IL1R2: variants seen among roughly 807,000 people sequenced by gnomAD.
The protein encoded by IL1R2 is interleukin 1 receptor type 2.
A neutral mutation model predicts 39.5 loss-of-function variants in IL1R2; 46 were observed. The observed-to-expected ratio is 1.16, with a 90% CI of 0.92 to 1.49. The LOEUF (loss-of-function observed/expected upper bound fraction) is 1.49, where lower values mean the gene tolerates loss of function less well. Among genes scored for constraint, IL1R2 ranks in the 40% most tolerant of loss-of-function variants. The pLI, the probability that IL1R2 is intolerant of heterozygous loss-of-function variation, is 0.00. For missense variants in IL1R2, 537 were observed against 502.0 expected, an observed-to-expected ratio of 1.07 and a Z score of -0.67; for synonymous variants, 207 against 189.6, an observed-to-expected ratio of 1.09 and a Z score of -0.75.
At position 102,026,187 on chromosome 2, in the gene IL1R2, A is replaced by G; in HGVS notation, c.964A>G (p.Met322Val). 3 of 1,613,006 alleles carry G rather than the reference A, an allele frequency of 1.9e-6. No homozygotes were observed. The highest frequency in any genetic ancestry group is 2.5e-6 in the Non-Finnish European group (3 of 1,179,004). Residue 322 changes from methionine (M) to valine (V), a missense_variant, in exon 8 of 9, where the codon ATG (methionine) becomes GTG (valine). Coordinates refer to ENST00000332549, the MANE Select transcript of IL1R2 (RefSeq NM_004633.4). Reference protein sequence around the residue: ...FDPVTREDLHMDFKCVVHNTL... With the variant: ...FDPVTREDLHVDFKCVVHNTL... ...TCCTGTCACAAGAGAGGATTTGCAC[A>G]TGGATTTTAAATGTGTTGTCCATAA...
intron 1 of IL1R2, among the ~76,000 whole-genome samples, chr2:102,005,954 C>A (rs1057089881): frequency 6.6e-6 from 1 of 152,170 alleles, no homozygotes; most frequent in Admixed American, 6.5e-5. Context: ...GGCCTTTTAA[C>A]CCCTTTAAAC....
chr2:101,999,975 T>A (rs189554904), intron 1 of IL1R2, among the ~76,000 whole-genome samples: 1 of 152,336 alleles, frequency 6.6e-6, no homozygotes, highest in Admixed American at 6.5e-5. Context: ...TAGGTAAAGT[T>A]GTACATATTT....
At chr2:102,011,641 G>C (rs141814194) in intron 3 of IL1R2, among the ~76,000 whole-genome samples, 1 of 152,106 alleles carries the variant, frequency 6.6e-6, no homozygotes, top group East Asian at 1.9e-4. Context: ...TACATTTCCT[G>C]GTTATTAACC....
At chr2:102,017,974 T>G (rs1677116217) in intron 4 of IL1R2, among the ~76,000 whole-genome samples, 1 of 152,266 alleles carries the variant, frequency 6.6e-6, no homozygotes, top group South Asian at 2.1e-4. Context: ...TTGGCTGGTT[T>G]GTAACTACAG....
intron 6 of IL1R2, among the ~76,000 whole-genome samples, chr2:102,023,859 A>G (rs1677547399): frequency 6.6e-6 from 1 of 151,688 alleles, no homozygotes; most frequent in Admixed American, 6.6e-5. Flanking sequence ...CATCCTGGCT[A>G]ACACGGTGAA....
intron 1 of IL1R2, among the ~76,000 whole-genome samples, chr2:102,004,120 A>G (rs1211488217): frequency 1.3e-5 from 2 of 152,198 alleles, no homozygotes; most frequent in Non-Finnish European, 2.9e-5. Flanking sequence ...AATGTTAACA[A>G]TGGCGAATCT....
At chr2:102,004,850 T>C (rs1419931038) in intron 1 of IL1R2, among the ~76,000 whole-genome samples, 1 of 152,212 alleles carries the variant, frequency 6.6e-6, no homozygotes, top group Non-Finnish European at 1.5e-5. Flanking sequence ...AAAGCAGCTC[T>C]TTTGCTCAAG....
intron 5 of IL1R2, among the ~76,000 whole-genome samples, chr2:102,021,613 C>T (rs1677407539): frequency 6.6e-6 from 1 of 152,236 alleles, no homozygotes; most frequent in South Asian, 2.1e-4. Context: ...TGCACCCGGC[C>T]ACCTCCTTTC....
At chr2:102,006,021 G>A (rs1431785897) in intron 1 of IL1R2, among the ~76,000 whole-genome samples, 2 of 152,214 alleles carry the variant, frequency 1.3e-5, no homozygotes, top group Non-Finnish European at 2.9e-5. Context: ...GGGATAAAAT[G>A]CAAGAATGAA....
chr2:102,019,298 T>C (rs776639368), intron 4 of IL1R2, among the ~76,000 whole-genome samples: 1 of 152,244 alleles, frequency 6.6e-6, no homozygotes, highest in African/African-American at 2.4e-5. Context: ...TCCCAGATAC[T>C]TCCTAAGGCC....
intron 1 of IL1R2, among the ~76,000 whole-genome samples, chr2:102,002,988 C>T (rs957688352): frequency 1.4e-4 from 21 of 151,024 alleles, no homozygotes; most frequent in Admixed American, 1.1e-3. Flanking sequence ...GTGTCTGTGT[C>T]GGTGTCTATG....
chr2:102,004,909 G>GCCA, intron 1 of IL1R2, among the ~76,000 whole-genome samples: 1 of 152,298 alleles, frequency 6.6e-6, no homozygotes, highest in Non-Finnish European at 1.5e-5. Context: ...ATGGTGGTGG[G>GCCA]GGTAGATGAG....
chr2:101,996,837 C>T (rs757918), intron 1 of IL1R2, among the ~76,000 whole-genome samples: 95,159 of 151,578 alleles, frequency 0.63, 31,156 homozygotes, highest in African/African-American at 0.8. Flanking sequence ...TACAAATTGA[C>T]GCCAAAAAGA....
At chr2:102,001,109 C>A (rs1357006571) in intron 1 of IL1R2, among the ~76,000 whole-genome samples, 1 of 152,130 alleles carries the variant, frequency 6.6e-6, no homozygotes, top group East Asian at 1.9e-4. Context: ...GATGGTCCAG[C>A]CTGCTGGGGG....
intron 1 of IL1R2, among the ~76,000 whole-genome samples, chr2:101,992,730 CAGAGAGAAACACAGAGACAG>C (rs1398120143): frequency 7.3e-5 from 11 of 150,938 alleles, no homozygotes; most frequent in Admixed American, 3.9e-4. Context: ...GAGAGAAAGA[CAGAGAGAAACACAGAGACAG>C]AGAGAGAGAG....
chr2:102,010,073 C>A (rs1032187642), intron 3 of IL1R2: 2 of 530,106 alleles, frequency 3.8e-6, no homozygotes, highest in Non-Finnish European at 6.8e-6. Context: ...CTGACACCGC[C>A]CTCTGTCACT....
chr2:102,002,421 T>C (rs558165779), intron 1 of IL1R2, among the ~76,000 whole-genome samples: 26 of 151,214 alleles, frequency 1.7e-4, no homozygotes, highest in African/African-American at 6.1e-4. Context: ...TCTATGTCTA[T>C]GTCTGTGACT....
chr2:102,004,811 C>T (rs1361416241), intron 1 of IL1R2, among the ~76,000 whole-genome samples: 1 of 152,196 alleles, frequency 6.6e-6, no homozygotes, highest in African/African-American at 2.4e-5. Context: ...GTTTACTTGT[C>T]TGCAGCCACA....
chr2:102,015,160 C>G (rs368667690), intron 3 of IL1R2, among the ~76,000 whole-genome samples: 1 of 152,248 alleles, frequency 6.6e-6, no homozygotes, highest in South Asian at 2.1e-4. Flanking sequence ...GGGAAACAAT[C>G]TCTGCATGTG....
Sources: gnomAD v4.1 joint callset for allele counts (sites outside exome capture counted in the v4.1 genomes callset) on GRCh38, gnomAD v4.1.1 for gene constraint, MANE v1.5 for transcripts, NCBI Gene and HGNC (gene_info 2026-07-23, HGNC 2026-07-21) for gene names.